PDXDC1: variants seen among roughly 807,000 people sequenced by gnomAD.
PDXDC1 encodes the protein pyridoxal dependent decarboxylase domain containing 1.
In PDXDC1, 42 loss-of-function variants were observed where a neutral mutation model predicts 100.1. That is an observed-to-expected ratio of 0.42 (90% CI 0.33 to 0.54). The LOEUF is 0.54. Ranked by LOEUF, PDXDC1 falls within the 20% of genes least tolerant of loss-of-function variation. The probability of loss-of-function intolerance (pLI) is 0.10; values close to 1 mark genes in which losing one functional copy is unlikely to be tolerated. For synonymous variants in PDXDC1, 260 were observed against 371.7 expected, an observed-to-expected ratio of 0.70 and a Z score of 3.46; for missense variants, 636 against 979.2, an observed-to-expected ratio of 0.65 and a Z score of 4.68.
chr16:15,099,690 A>G (rs1373229143), intron 16 of PDXDC1, among the ~76,000 whole-genome samples: 1 of 152,144 alleles, frequency 6.6e-6, no homozygotes, highest in African/African-American at 2.4e-5. Context: ...AAGGATTAAC[A>G]TGCTATCTGC....
At chr16:15,148,370 ATTTTTTT>A in the PDXDC1 span, among the ~76,000 whole-genome samples, 48 of 34,114 alleles carry the variant, frequency 1.4e-3, no homozygotes, top group Admixed American at 2.1e-3. Context: ...AGATCCTGTG[ATTTTTTT>A]TTTTTTTTTT....
intron 16 of PDXDC1, among the ~76,000 whole-genome samples, chr16:15,106,574 T>G (rs1765605167): frequency 6.7e-6 from 1 of 149,926 alleles, no homozygotes; most frequent in African/African-American, 2.4e-5. Context: ...GCTAATACAG[T>G]GAAACCCTGT....
At position 15,036,465 on chromosome 16, in the gene PDXDC1, A is replaced by G. The variant is rs937079061; in HGVS notation, c.*190A>G. ...AGTCAGCTTGTCTAACTTCATGTAC[A>G]TGTAGAACCACGTTTGCTGTCCTAC... On this transcript the variant is annotated 3_prime_UTR_variant, in exon 23 of 23. Transcript: ENST00000396410. The G allele has an allele frequency of 9.9e-6, 5 of 505,294 alleles. No homozygotes were observed. Among genetic ancestry groups the G allele is most frequent in the Admixed American group, 4.9e-5 (1 of 20,314 alleles). 31.3% of individuals were successfully genotyped at this position (505,294 alleles called of 1,614,324 possible). A position where few individuals can be genotyped will look rare whatever the true frequency, so the allele number is the denominator to read the frequency against.
At chr16:14,983,391 T>C (rs1388473318) in intron 1 of PDXDC1, among the ~76,000 whole-genome samples, 1 of 150,792 alleles carries the variant, frequency 6.6e-6, no homozygotes, top group Non-Finnish European at 1.5e-5. Flanking sequence ...GCTAACATGG[T>C]GAAACCCCGT....
intron 13 of PDXDC1, among the ~76,000 whole-genome samples, chr16:15,024,240 C>T (rs1198570753): frequency 1.3e-5 from 2 of 152,266 alleles, no homozygotes. Flanking sequence ...TGTGAGTCCT[C>T]ATCATCACCA....
intron 16 of PDXDC1, among the ~76,000 whole-genome samples, chr16:15,063,769 T>A (rs1195725184): frequency 2.7e-5 from 4 of 150,694 alleles, no homozygotes; most frequent in African/African-American, 9.8e-5. Context: ...ATGCTGTAAC[T>A]AATGTGGCTC....
chr16:15,033,672 G>A (rs1409138659), intron 19 of PDXDC1, among the ~76,000 whole-genome samples: 1 of 152,172 alleles, frequency 6.6e-6, no homozygotes, highest in Admixed American at 6.5e-5. Context: ...CGGGTAGCTG[G>A]ACACTCAGGC....
intron 16 of PDXDC1, chr16:15,130,377 C>A: frequency 1.9e-6 from 3 of 1,572,734 alleles, no homozygotes; most frequent in East Asian, 4.7e-5. Flanking sequence ...CGTGTACAGG[C>A]CCACGGACAC....
At chr16:15,129,505 G>A (rs1297098918) in intron 16 of PDXDC1, among the ~76,000 whole-genome samples, 5 of 152,232 alleles carry the variant, frequency 3.3e-5, no homozygotes, top group Admixed American at 6.5e-5. Flanking sequence ...GGAAAATAGA[G>A]GTATTGAAGA....
intron 16 of PDXDC1, among the ~76,000 whole-genome samples, chr16:15,081,889 C>T (rs2045719376): frequency 6.6e-6 from 1 of 152,108 alleles, no homozygotes; most frequent in South Asian, 2.1e-4. Context: ...CCACTTCTGC[C>T]AGCAGCATTT....
chr16:15,056,497 C>T (rs1041250482), intron 16 of PDXDC1, among the ~76,000 whole-genome samples: 2 of 152,194 alleles, frequency 1.3e-5, no homozygotes, highest in East Asian at 1.9e-4. Context: ...CCTAATCAGG[C>T]GGGCACGGTG....
At chr16:15,131,538 C>A in intron 16 of PDXDC1, 1 of 1,609,544 alleles carries the variant, frequency 6.2e-7, no homozygotes, top group East Asian at 2.2e-5. Context: ...TCTCCTCGCC[C>A]GCCAGTGTCA....
intron 16 of PDXDC1, chr16:15,074,588 A>G: frequency 1.8e-6 from 1 of 569,120 alleles, no homozygotes; most frequent in Non-Finnish European, 2.8e-6. Flanking sequence ...TGACCTCTTT[A>G]AATCATCTTA....
At chr16:15,142,488 G>C (rs2048490400), downstream of PDXDC1, among the ~76,000 whole-genome samples, 1 of 151,958 alleles carries the variant, frequency 6.6e-6, no homozygotes, top group Non-Finnish European at 1.5e-5. Flanking sequence ...GCCCAGACAG[G>C]AGCCAGGTGC....
intron 12 of PDXDC1, among the ~76,000 whole-genome samples, chr16:15,019,744 C>G (rs543654686): frequency 1.4e-4 from 21 of 152,382 alleles, no homozygotes; most frequent in African/African-American, 3.4e-4. Flanking sequence ...TCCCAAAGGC[C>G]TCAACTCATT....
intron 16 of PDXDC1, among the ~76,000 whole-genome samples, chr16:15,126,443 T>C (rs2047733593): frequency 3.3e-5 from 4 of 121,966 alleles, no homozygotes; most frequent in African/African-American, 1.2e-4. Context: ...GCGCCTTCTC[T>C]GTGTGCTGCT....
chr16:15,066,350 C>T (rs534331124), intron 16 of PDXDC1, among the ~76,000 whole-genome samples: 17 of 152,136 alleles, frequency 1.1e-4, no homozygotes, highest in East Asian at 1.9e-4. Flanking sequence ...CTAACACAGC[C>T]GGCTGGGCAC....
intron 16 of PDXDC1, chr16:15,044,454 G>T (rs765501572): frequency 3.3e-6 from 4 of 1,201,502 alleles, no homozygotes; most frequent in South Asian, 1.2e-5. Flanking sequence ...AGACACCGGT[G>T]CGTGCGCTGG....
Position 15,036,564 on chromosome 16 carries a change from T to G in PDXDC1, c.*289T>G. The G allele has an allele frequency of 4.4e-6, 2 of 452,894 alleles. No homozygotes were observed. The highest frequency in any genetic ancestry group is 3.9e-5 in the East Asian group (1 of 25,460). 28.1% of individuals were successfully genotyped at this position (452,894 alleles called of 1,614,324 possible). A position where few individuals can be genotyped will look rare whatever the true frequency, so the allele number is the denominator to read the frequency against. On this transcript the variant is annotated 3_prime_UTR_variant, in exon 23 of 23. Coordinates refer to ENST00000396410, the MANE Select transcript of PDXDC1 (RefSeq NM_015027.4). ...ACTTCGAATTTCAAGTGTCTACCAG[T>G]AGCACCCTTGCTCTTTCTAAACATA... is the stretch of plus-strand genomic sequence containing the variant.
Sources: allele counts gnomAD v4.1 joint callset (sites outside exome capture counted in the v4.1 genomes callset), GRCh38; gene constraint gnomAD v4.1.1; transcripts MANE v1.5; gene names NCBI Gene and HGNC (gene_info 2026-07-23, HGNC 2026-07-21).